Variants in NPAS3 observed in about 807,000 individuals in gnomAD.
NPAS3 encodes the protein neuronal PAS domain protein 3.
A neutral mutation model predicts 73.1 loss-of-function variants in NPAS3; 14 were observed. That is an observed-to-expected ratio of 0.19 (90% CI 0.13 to 0.30). NPAS3 has a LOEUF of 0.30. Ranked by LOEUF, NPAS3 falls within the 10% of genes least tolerant of loss-of-function variation. The pLI is 1.00. For missense variants in NPAS3, 1,096 were observed against 1,250.0 expected, an observed-to-expected ratio of 0.88 and a Z score of 1.86; for synonymous variants, 620 against 541.5, an observed-to-expected ratio of 1.14 and a Z score of -2.01.
chr14:33,765,813 T>G (rs896774032), intron 7 of NPAS3, among the ~76,000 whole-genome samples: 9 of 152,178 alleles, frequency 5.9e-5, no homozygotes, highest in Non-Finnish European at 1.2e-4. Context: ...GGATGGTATG[T>G]CCTGCCAGCC....
chr14:33,458,090 G>A (rs973838141), intron 4 of NPAS3, among the ~76,000 whole-genome samples: 25 of 152,288 alleles, frequency 1.6e-4, no homozygotes, highest in Middle Eastern at 3.4e-3. Context: ...ATTGAATATT[G>A]TAGCAAGACC....
At chr14:33,267,803 G>A (rs752536740) in intron 3 of NPAS3, among the ~76,000 whole-genome samples, 4 of 152,122 alleles carry the variant, frequency 2.6e-5, no homozygotes, top group Non-Finnish European at 4.4e-5. Flanking sequence ...CCAGCAAAAC[G>A]TGGAGCCCAG....
intron 4 of NPAS3, among the ~76,000 whole-genome samples, chr14:33,429,678 T>G (rs59418813): frequency 1.9e-3 from 283 of 152,196 alleles, no homozygotes; most frequent in African/African-American, 6.5e-3. Flanking sequence ...AAGCACCATA[T>G]TTATGGATGT....
At chr14:33,353,704 A>G (rs566031405) in intron 3 of NPAS3, among the ~76,000 whole-genome samples, 1 of 152,176 alleles carries the variant, frequency 6.6e-6, no homozygotes, top group African/African-American at 2.4e-5. Context: ...AGTAGTGGAG[A>G]CTGGAGTCCT....
chr14:33,772,270 G>A (rs750041134), intron 7 of NPAS3, among the ~76,000 whole-genome samples: 40 of 152,146 alleles, frequency 2.6e-4, no homozygotes, highest in Non-Finnish European at 1.8e-4. Context: ...TGACTTGCCC[G>A]TGGTAACGGA....
chr14:33,692,348 T>A lies in NPAS3; in HGVS notation c.733+15963T>A, dbSNP rs1239818458. Among the ~76,000 whole-genome samples, 4 of 152,130 alleles carry A rather than the reference T, an allele frequency of 2.6e-5. No individual in the cohort carries two copies. In the East Asian group the frequency reaches 7.7e-4, roughly 29 times the overall value. On this transcript the variant is annotated intron_variant, in intron 6 of 11. Coordinates refer to ENST00000356141, the Ensembl canonical transcript of NPAS3. ...AAAGAACATCTATTTTAGAAAAATGTTTCGAAAAGATTAAGATTTACCCTG... is the reference window on the plus strand; with the variant it reads ...AAAGAACATCTATTTTAGAAAAATGATTCGAAAAGATTAAGATTTACCCTG...
At chr14:33,202,564 TA>T (rs2139597741) in intron 2 of NPAS3, among the ~76,000 whole-genome samples, 1 of 152,304 alleles carries the variant, frequency 6.6e-6, no homozygotes, top group African/African-American at 2.4e-5. Context: ...GCCTTTTTTT[TA>T]AATGAAGAAT....
chr14:33,129,464 T>G (rs920320071), intron 2 of NPAS3, among the ~76,000 whole-genome samples: 2 of 152,292 alleles, frequency 1.3e-5, no homozygotes, highest in South Asian at 4.1e-4. Flanking sequence ...TGCCTGTTCC[T>G]CATAAGTAGA....
chr14:33,064,147 G>C (rs2041202075), intron 2 of NPAS3, among the ~76,000 whole-genome samples: 1 of 151,918 alleles, frequency 6.6e-6, no homozygotes, highest in Non-Finnish European at 1.5e-5. Flanking sequence ...TCATACATGA[G>C]AAAATTTTAT....
At chr14:33,274,431 C>T (rs553905796) in intron 3 of NPAS3, among the ~76,000 whole-genome samples, 1 of 152,290 alleles carries the variant, frequency 6.6e-6, no homozygotes, top group South Asian at 2.1e-4. Context: ...AATTAACTGC[C>T]TGCCATCCTA....
chr14:33,470,394 G>A (rs1566931370), intron 4 of NPAS3, among the ~76,000 whole-genome samples: 1 of 152,134 alleles, frequency 6.6e-6, no homozygotes, highest in Non-Finnish European at 1.5e-5. Context: ...AGGACCATCA[G>A]TATAAAGAAG....
chr14:33,472,640 T>G (rs1227720060), intron 4 of NPAS3, among the ~76,000 whole-genome samples: 1 of 145,010 alleles, frequency 6.9e-6, no homozygotes, highest in East Asian at 1.9e-4. Flanking sequence ...TAGTGAGAAA[T>G]GATCACATTC....
intron 3 of NPAS3, among the ~76,000 whole-genome samples, chr14:33,246,325 G>A (rs2048373070): frequency 6.6e-6 from 1 of 151,688 alleles, no homozygotes; most frequent in East Asian, 2.0e-4. Context: ...GGATCACGAG[G>A]TCAGGAGATC....
intron 3 of NPAS3, among the ~76,000 whole-genome samples, chr14:33,343,447 T>TC (rs1312617227): frequency 6.6e-6 from 1 of 152,332 alleles, no homozygotes; most frequent in South Asian, 2.1e-4. Context: ...TTAATCTTTT[T>TC]CCCCTGTATG....
chr14:33,648,239 C>T (rs1421163644), intron 5 of NPAS3, among the ~76,000 whole-genome samples: 1 of 152,196 alleles, frequency 6.6e-6, no homozygotes, highest in Non-Finnish European at 1.5e-5. Context: ...AAGCTGCTAT[C>T]ATGGGTGTGA....
At chr14:33,797,498 TCCC>T in exon 11 of NPAS3, 1 of 1,613,988 alleles carries the variant, frequency 6.2e-7, no homozygotes, top group Non-Finnish European at 8.5e-7. Flanking sequence ...ATCGCACAGC[TCCC>T]CCATCTGCCG....
chr14:33,339,075 A>G (rs1166840781), intron 3 of NPAS3, among the ~76,000 whole-genome samples: 5 of 152,158 alleles, frequency 3.3e-5, no homozygotes, highest in Non-Finnish European at 7.4e-5. Flanking sequence ...TTTTGTTTTA[A>G]TTGTATTTGT....
chr14:33,754,994 T>C (rs1400991652), intron 7 of NPAS3, among the ~76,000 whole-genome samples: 1 of 152,200 alleles, frequency 6.6e-6, no homozygotes, highest in East Asian at 1.9e-4. Flanking sequence ...ACACATATTG[T>C]TGTTTTGGGT....
chr14:33,119,771 A>G (rs1026995267), intron 2 of NPAS3, among the ~76,000 whole-genome samples: 2 of 152,140 alleles, frequency 1.3e-5, no homozygotes, highest in Admixed American at 1.3e-4. Context: ...CTCCCGCATT[A>G]CATTTCTGGT....
Sources: allele counts gnomAD v4.1 joint callset (sites outside exome capture counted in the v4.1 genomes callset), GRCh38; gene constraint gnomAD v4.1.1; transcripts MANE v1.5; gene names NCBI Gene and HGNC (gene_info 2026-07-23, HGNC 2026-07-21).